PCDHGA12: variants seen among roughly 807,000 people sequenced by gnomAD.
PCDHGA12 encodes the protein protocadherin gamma-A12.
A neutral mutation model predicts 61.1 loss-of-function variants in PCDHGA12; 43 were observed. That is an observed-to-expected ratio of 0.70 (90% confidence interval 0.55 to 0.91). PCDHGA12 has a LOEUF of 0.91. Ranked by LOEUF, PCDHGA12 falls within the 40% of genes least tolerant of loss-of-function variation. The pLI is 0.00. For missense variants in PCDHGA12, 1,236 were observed against 1,227.7 expected (o/e 1.01, Z -0.10); for synonymous variants, 520 against 542.9 (o/e 0.96, Z 0.59).
intron 1 of PCDHGA12, among the ~76,000 whole-genome samples, chr5:141,468,046 C>T (rs540273405): frequency 1.3e-4 from 20 of 152,174 alleles, no homozygotes; most frequent in Non-Finnish European, 2.8e-4. Flanking sequence ...AAAACTAAGC[C>T]GGGCACAGTG....
intron 1 of PCDHGA12, among the ~76,000 whole-genome samples, chr5:141,444,646 G>T (rs1023259048): frequency 1.3e-5 from 2 of 152,098 alleles, no homozygotes; most frequent in Non-Finnish European, 2.9e-5. Flanking sequence ...TGAGGTAGGG[G>T]TTGAAGTTAT....
In PCDHGA12 at chr5:141,501,310, C is replaced by T. The variant is rs958976594; in HGVS notation, c.2484-4083C>T. ...CCTTATACACACACACACACACACA[C>T]ACACACACACACACACACACACACC... On this transcript the variant is annotated intron_variant, in intron 2 of 3. Transcript: ENST00000252085. Among the ~76,000 whole-genome samples, 4 of 151,684 alleles carry T rather than the reference C, an allele frequency of 2.6e-5. No individual in the cohort carries two copies. The South Asian group carries it at 8.3e-4, about 32-fold the overall frequency.
intron 3 of PCDHGA12, among the ~76,000 whole-genome samples, chr5:141,509,262 ACT>A (rs761383166): frequency 9.2e-5 from 14 of 151,714 alleles, no homozygotes; most frequent in Non-Finnish European, 1.9e-4. Flanking sequence ...GGCTTTAGTC[ACT>A]CTCGCTACCC....
At chr5:141,465,466 C>T (rs1280373152) in intron 1 of PCDHGA12, among the ~76,000 whole-genome samples, 1 of 152,156 alleles carries the variant, frequency 6.6e-6, no homozygotes, top group African/African-American at 2.4e-5. Flanking sequence ...ACCAAATTGC[C>T]CTTGCTTCAT....
At chr5:141,507,132 C>T (rs748716107) in intron 3 of PCDHGA12, 2 of 152,188 alleles carry the variant, frequency 1.3e-5, no homozygotes, top group African/African-American at 2.4e-5. Flanking sequence ...GATCCAGCCT[C>T]GGCTTCTCTA....
Position 141,489,712 on chromosome 5 carries a change from C to G in PCDHGA12, c.2425-5095C>G. On this transcript the variant is annotated intron_variant, in intron 1 of 3. Transcript: ENST00000252085. The surrounding 1 kb of genome is among the most constrained non-coding windows in gnomAD (Gnocchi z 4.5). ...GGCACGATTCCCACTGGACAGTGCC[C>G]AGGATCCGGATGTGGGCACCAATAC... The G allele has an allele frequency of 6.2e-7, 1 of 1,614,162 alleles. No individual in the cohort carries two copies. Among genetic ancestry groups the G allele is most frequent in the South Asian group, 1.1e-5 (1 of 91,078 alleles).
chr5:141,506,737 C>T (rs893758261), intron 3 of PCDHGA12, among the ~76,000 whole-genome samples: 5 of 152,076 alleles, frequency 3.3e-5, no homozygotes, highest in African/African-American at 1.2e-4. Flanking sequence ...AGAATAATGC[C>T]TATTAATAAA....
chr5:141,482,016 C>T (rs2099550411), intron 1 of PCDHGA12, among the ~76,000 whole-genome samples: 1 of 148,596 alleles, frequency 6.7e-6, no homozygotes, highest in African/African-American at 2.5e-5. Context: ...TCTCAGGAAG[C>T]AGAGGTTGCA....
Position 141,485,575 on chromosome 5 carries a change from G to C in PCDHGA12, c.2425-9232G>C, listed in dbSNP as rs1200831125. On this transcript the variant is annotated intron_variant, in intron 1 of 3. Coordinates refer to ENST00000252085, the MANE Select transcript of PCDHGA12 (RefSeq NM_003735.3). This position sits in a 1 kb window ranked among gnomAD's most constrained non-coding sequence, Gnocchi z 5.7. ...TGAATGATCACGCCCCCCGTTTTCC[G>C]CGGCAGCAGCTGGACTTGGAAATTG... 2 of 1,612,496 alleles carry C rather than the reference G, an allele frequency of 1.2e-6. No homozygotes were observed. The highest frequency in any genetic ancestry group is 2.7e-5 in the African/African-American group (2 of 74,918).
At chr5:141,447,232 C>T (rs988057696) in intron 1 of PCDHGA12, among the ~76,000 whole-genome samples, 3 of 152,062 alleles carry the variant, frequency 2.0e-5, no homozygotes, top group East Asian at 1.9e-4. Flanking sequence ...CTCCGCCTCC[C>T]GGGTTCAAGT....
chr5:141,492,492 G>A (rs896538392), intron 1 of PCDHGA12, among the ~76,000 whole-genome samples: 2 of 152,206 alleles, frequency 1.3e-5, no homozygotes, highest in African/African-American at 2.4e-5. Context: ...AGGACCAGGC[G>A]AGGACTCCGG....
chr5:141,433,110 G>C lies in PCDHGA12; in HGVS notation c.2351G>C (p.Ser784Thr), dbSNP rs1031253372. 6.2e-7 allele frequency: 1 copy of C among 1,614,098 alleles called. No individual in the cohort carries two copies. Among genetic ancestry groups the C allele is most frequent in the Middle Eastern group, 1.7e-4 (1 of 6,060 alleles). The change falls in exon 1 of 4, where the codon AGC becomes ACC. Residue 784 changes from serine (S) to threonine (T), a missense_variant. Coordinates refer to ENST00000252085, the MANE Select transcript of PCDHGA12 (RefSeq NM_003735.3). ...GCAGACATGCTCGTCAGCCAGGAGA[G>C]CTTTGAAAAAAGCGAGCCCCTTTTG... Reference protein sequence around the residue: ...NYADMLVSQESFEKSEPLLLS... With the variant: ...NYADMLVSQETFEKSEPLLLS...
intron 1 of PCDHGA12, among the ~76,000 whole-genome samples, chr5:141,492,711 C>T (rs927567393): frequency 4.6e-5 from 7 of 152,254 alleles, no homozygotes; most frequent in East Asian, 3.8e-4. Flanking sequence ...AAGCCTCGAG[C>T]AGGCGGACAG....
At chr5:141,442,664 G>A (rs1289986124) in intron 1 of PCDHGA12, among the ~76,000 whole-genome samples, 2 of 152,342 alleles carry the variant, frequency 1.3e-5, no homozygotes, top group East Asian at 1.9e-4. Flanking sequence ...TATTTGGCAT[G>A]GTGAGCTTGA....
intron 1 of PCDHGA12, among the ~76,000 whole-genome samples, chr5:141,469,859 A>C (rs2099213257): frequency 6.6e-6 from 1 of 152,080 alleles, no homozygotes; most frequent in Non-Finnish European, 1.5e-5. Context: ...GACCGGGTGC[A>C]ATGGCTCACG....
chr5:141,490,423 T>C lies in PCDHGA12; in HGVS notation c.2425-4384T>C. ...CCTTGATATCTCTCCGGACCTGCCATTTCAGATTAAGCCTTCTGAGAACCA... is the reference window on the plus strand; with the variant it reads ...CCTTGATATCTCTCCGGACCTGCCACTTCAGATTAAGCCTTCTGAGAACCA... On this transcript the variant is annotated intron_variant, in intron 1 of 3. Coordinates refer to ENST00000252085, the MANE Select transcript of PCDHGA12 (RefSeq NM_003735.3). This position sits in a 1 kb window ranked among gnomAD's most constrained non-coding sequence, Gnocchi z 5.4. 6.2e-7 allele frequency: 1 copy of C among 1,614,172 alleles called. No individual in the cohort carries two copies. The highest frequency in any genetic ancestry group is 8.5e-7 in the Non-Finnish European group (1 of 1,180,028).
intron 1 of PCDHGA12, among the ~76,000 whole-genome samples, chr5:141,438,935 G>A (rs1306603362): frequency 6.6e-6 from 1 of 151,810 alleles, no homozygotes; most frequent in African/African-American, 2.4e-5. Context: ...CAAAGTGCTG[G>A]GATTATAGGC....
At chr5:141,502,978 G>T (rs1004984942) in intron 2 of PCDHGA12, among the ~76,000 whole-genome samples, 1 of 150,096 alleles carries the variant, frequency 6.7e-6, no homozygotes, top group Non-Finnish European at 1.5e-5. Context: ...CAAGTAGCTG[G>T]GATTACAGGC....
intron 1 of PCDHGA12, among the ~76,000 whole-genome samples, chr5:141,435,264 T>C (rs1442193276): frequency 5.3e-5 from 8 of 152,222 alleles, no homozygotes; most frequent in Non-Finnish European, 8.8e-5. Context: ...GATATGTCCA[T>C]TTATACTTTC....
Sources: allele counts gnomAD v4.1 joint callset (sites outside exome capture counted in the v4.1 genomes callset), GRCh38; gene constraint gnomAD v4.1.1; non-coding constraint Gnocchi (gnomAD v3.1); transcripts MANE v1.5; gene names NCBI Gene and HGNC (gene_info 2026-07-23, HGNC 2026-07-21).